The following TIMM9 variants were observed in gnomAD, a reference collection of about 807,000 sequenced individuals.
TIMM9 encodes the protein mitochondrial import inner membrane translocase subunit Tim9.
TIMM9 carries 10 observed loss-of-function variants against 13.4 expected under a neutral mutation model. The observed-to-expected ratio is 0.75, with a 90% confidence interval of 0.46 to 1.26. The LOEUF is 1.26. TIMM9 is among the 50% of genes most tolerant of loss of function. The pLI, the probability that TIMM9 is intolerant of heterozygous loss-of-function variation, is 0.00. For synonymous variants in TIMM9, 32 were observed against 32.1 expected, an observed-to-expected ratio of 1.00 and a Z score of 0.01; for missense variants, 87 against 100.8, an observed-to-expected ratio of 0.86 and a Z score of 0.58.
chr14:58,415,986 CG>C (rs1555370393), intron 3 of TIMM9, among the ~76,000 whole-genome samples: 1 of 149,732 alleles, frequency 6.7e-6, no homozygotes, highest in Non-Finnish European at 1.5e-5. Flanking sequence ...GAGGCCAAAG[CG>C]GGTGGGTCGA....
At position 58,422,189 on chromosome 14, in the gene TIMM9, T is replaced by C. The variant is rs150253249; in HGVS notation, c.-27+1819A>G. ...GGAGTGCAATGGCACAATCTCAGCT[T>C]ACTGCAATCTCCGCCTCCCAGGTTC... On this transcript the variant is annotated intron_variant, in intron 3 of 5. Coordinates refer to ENST00000395159, the MANE Select transcript of TIMM9 (RefSeq NM_012460.4). 6.5e-3 allele frequency among the ~76,000 whole-genome samples: 979 copies of C among 151,628 alleles called. 12 individuals are homozygous for C. The highest frequency in any genetic ancestry group is 0.02 in the African/African-American group (822 of 41,312).
At chr14:58,414,415 C>G (rs1302631404) in intron 3 of TIMM9, among the ~76,000 whole-genome samples, 1 of 152,112 alleles carries the variant, frequency 6.6e-6, no homozygotes, top group Non-Finnish European at 1.5e-5. Context: ...CATACCTATA[C>G]TTTCCTCCTT....
intron 5 of TIMM9, 45 bp from the exon 6 acceptor site, chr14:58,409,213 A>G: frequency 1.3e-6 from 2 of 1,592,778 alleles, no homozygotes; most frequent in Admixed American, 3.7e-5. Context: ...CAAAAATATG[A>G]ATTTTTTAAA....
Position 58,408,933 on chromosome 14 carries a change from T to G in TIMM9, c.*101A>C. The stretch of plus-strand genomic sequence containing the variant: ...AACAGTCATGACAGATGGTTGAACA[T>G]GGTGGCTACTGCTTTCAGGGGATTC... On this transcript the variant is annotated 3_prime_UTR_variant, in exon 6 of 6. Coordinates refer to ENST00000395159, the MANE Select transcript of TIMM9 (RefSeq NM_012460.4). 6.7e-7 allele frequency: 1 copy of G among 1,491,692 alleles called. No individual in the cohort carries two copies. The highest frequency in any genetic ancestry group is 9.0e-7 in the Non-Finnish European group (1 of 1,115,436). The allele number at this position is 1,491,692 out of a possible 1,614,324, so 92.4% of individuals were successfully genotyped here.
chr14:58,409,077 T>C lies in TIMM9; in HGVS notation c.227A>G (p.Glu76Gly). 1 of 1,614,006 alleles carries C rather than the reference T, an allele frequency of 6.2e-7. No individual in the cohort carries two copies. Among genetic ancestry groups the C allele is most frequent in the Non-Finnish European group, 8.5e-7 (1 of 1,179,978 alleles). The change falls in exon 6 of 6, where the codon GAA becomes GGA. Residue 76 changes from glutamate to glycine, a missense_variant. Coordinates refer to ENST00000395159, the MANE Select transcript of TIMM9 (RefSeq NM_012460.4). ...GAGTCCTGCTTTGGCTGCCAGGGCT[T>C]CATTCTGCTGAATATGATATTCCTG... ...RFQEYHIQQN[E>G]ALAAKAGLLG...
At chr14:58,412,672 A>T (rs1387601639) in intron 3 of TIMM9, among the ~76,000 whole-genome samples, 2 of 152,112 alleles carry the variant, frequency 1.3e-5, no homozygotes, top group East Asian at 3.9e-4. Context: ...AGGCCAAGAC[A>T]TGTGGATCAC....
chr14:58,412,196 G>A (rs570019590), intron 3 of TIMM9: 7 of 388,490 alleles, frequency 1.8e-5, no homozygotes, highest in African/African-American at 4.1e-5. Flanking sequence ...AGGCTGGAGC[G>A]CAGTGGCGCC....
chr14:58,416,125 G>A (rs578148955), intron 3 of TIMM9, among the ~76,000 whole-genome samples: 1 of 152,120 alleles, frequency 6.6e-6, no homozygotes, highest in African/African-American at 2.4e-5. Context: ...CTACTCAGGT[G>A]GCTGAGGCAC....
chr14:58,424,084 C>T lies in TIMM9; in HGVS notation c.-103G>A, dbSNP rs974193765. The stretch of plus-strand genomic sequence containing the variant: ...CTTTGCTTGAATGTCTCCAATAAGG[C>T]CTGATTCTTACCTGAAAAATGAGGT... On this transcript the variant is annotated 5_prime_UTR_variant, in exon 3 of 6. Coordinates refer to ENST00000395159, the MANE Select transcript of TIMM9 (RefSeq NM_012460.4). The T allele has an allele frequency of 2.0e-5, 3 of 152,138 alleles. No individual in the cohort carries two copies. Among genetic ancestry groups the T allele is most frequent in the African/African-American group, 7.2e-5 (3 of 41,418 alleles). 9.4% of individuals were successfully genotyped at this position (152,138 alleles called of 1,614,324 possible).
At chr14:58,416,063 A>G (rs1472085792) in intron 3 of TIMM9, among the ~76,000 whole-genome samples, 1 of 151,466 alleles carries the variant, frequency 6.6e-6, no homozygotes, top group Non-Finnish European at 1.5e-5. Context: ...TGAAAAAAAA[A>G]AAAAAAATAC....
chr14:58,417,137 C>T (rs532012705), intron 3 of TIMM9, among the ~76,000 whole-genome samples: 34 of 152,262 alleles, frequency 2.2e-4, no homozygotes, highest in Non-Finnish European at 4.9e-4. Flanking sequence ...TAAGATGTGA[C>T]TTGCTCCTCC....
chr14:58,411,572 C>CTTTTTTTTTTA, intron 4 of TIMM9, among the ~76,000 whole-genome samples: 1 of 151,126 alleles, frequency 6.6e-6, no homozygotes, highest in Non-Finnish European at 1.5e-5. Flanking sequence ...TGGAGTCTTG[C>CTTTTTTTTTTA]TCTGTCACCC....
intron 5 of TIMM9, 132 bp downstream of exon 5, chr14:58,410,711 C>A (rs2036187986): frequency 3.2e-6 from 2 of 621,898 alleles, no homozygotes; most frequent in Non-Finnish European, 5.4e-6. Context: ...TGCTTCAGTT[C>A]TTCCAAGCAA....
chr14:58,409,909 C>A (rs916902193), intron 5 of TIMM9, among the ~76,000 whole-genome samples: 30 of 152,092 alleles, frequency 2.0e-4, no homozygotes, highest in African/African-American at 7.0e-4. Flanking sequence ...CAGGTTCTCT[C>A]TCTGTTGCCC....
At chr14:58,420,793 CAAA>C (rs71107945) in intron 3 of TIMM9, among the ~76,000 whole-genome samples, 3 of 57,484 alleles carry the variant, frequency 5.2e-5, no homozygotes, top group East Asian at 5.2e-4. Context: ...AAATCCATCT[CAAA>C]AAAAAAAAAA....
chr14:58,421,864 C>T (rs1359434948), intron 3 of TIMM9, among the ~76,000 whole-genome samples: 1 of 152,122 alleles, frequency 6.6e-6, no homozygotes, highest in Non-Finnish European at 1.5e-5. Context: ...TTCAAAAGGT[C>T]ATCTACTAGA....
rs565495377 is a variant in TIMM9, at chr14:58,419,591, C to G, written c.-27+4417G>C. On this transcript the variant is annotated intron_variant, in intron 3 of 5. Coordinates refer to ENST00000395159, the MANE Select transcript of TIMM9 (RefSeq NM_012460.4). The stretch of plus-strand genomic sequence containing the variant: ...AAGATGTGAGAACTAAGTTTCTCAC[C>G]TAATACAAAAATTAACTCAAAATGG... Among the ~76,000 whole-genome samples, 12 of 151,364 alleles carry G rather than the reference C, an allele frequency of 7.9e-5. 1 individual carries two copies. In the South Asian group the frequency reaches 2.5e-3, roughly 32 times the overall value.
chr14:58,423,392 C>T (rs2036644271), intron 3 of TIMM9, among the ~76,000 whole-genome samples: 1 of 151,360 alleles, frequency 6.6e-6, no homozygotes, highest in African/African-American at 2.4e-5. Context: ...GTGGCACATG[C>T]CTATAATCGC....
chr14:58,411,696 G>A (rs2036222416), intron 4 of TIMM9, among the ~76,000 whole-genome samples: 1 of 151,768 alleles, frequency 6.6e-6, no homozygotes, highest in Non-Finnish European at 1.5e-5. Context: ...GCGCCAGCAC[G>A]CCCAGCTAAT....
Sources: gnomAD v4.1 joint callset for allele counts (sites outside exome capture counted in the v4.1 genomes callset) on GRCh38, gnomAD v4.1.1 for gene constraint, MANE v1.5 for transcripts, NCBI Gene and HGNC (gene_info 2026-07-23, HGNC 2026-07-21) for gene names.